LDLRAD4: variants seen among roughly 807,000 people sequenced by gnomAD.
The protein encoded by LDLRAD4 is low density lipoprotein receptor class A domain containing 4.
A neutral mutation model predicts 17.0 loss-of-function variants in LDLRAD4; 5 were observed. The ratio of observed to expected loss-of-function variants is 0.29; its 90% CI spans 0.15 to 0.62. The LOEUF is 0.62. Among genes scored for constraint, LDLRAD4 ranks in the 20% least tolerant of loss-of-function variants. The pLI is 0.84. For synonymous variants in LDLRAD4, 168 were observed against 171.8 expected (o/e 0.98, Z 0.17); for missense variants, 340 against 424.7 (o/e 0.80, Z 1.75).
chr18:13,456,245 T>G (rs2092126560), intron 3 of LDLRAD4, among the ~76,000 whole-genome samples: 1 of 152,188 alleles, frequency 6.6e-6, no homozygotes, highest in African/African-American at 2.4e-5. Context: ...ACGTTTTGCC[T>G]GAAAGTGGGA....
upstream of LDLRAD4, among the ~76,000 whole-genome samples, chr18:13,274,471 C>G (rs2044741036): frequency 1.3e-5 from 2 of 152,220 alleles, no homozygotes; most frequent in Admixed American, 1.3e-4. Context: ...TTGCAGTTCT[C>G]TGCCTCGTGT....
intron 3 of LDLRAD4, among the ~76,000 whole-genome samples, chr18:13,565,857 T>G (rs1168948567): frequency 6.6e-6 from 1 of 152,210 alleles, no homozygotes; most frequent in African/African-American, 2.4e-5. Context: ...CTTAAGGAGT[T>G]TGTGTTGATA....
chr18:13,458,157 G>T (rs1422685955), intron 3 of LDLRAD4, among the ~76,000 whole-genome samples: 1 of 152,172 alleles, frequency 6.6e-6, no homozygotes, highest in Admixed American at 6.5e-5. Context: ...GCATGGGGAA[G>T]CACGGATGAG....
intron 4 of LDLRAD4, among the ~76,000 whole-genome samples, chr18:13,636,216 A>G (rs2042066724): frequency 6.6e-6 from 1 of 151,976 alleles, no homozygotes; most frequent in Non-Finnish European, 1.5e-5. Context: ...CCTCCAAATA[A>G]CACCACAGTC....
intron 3 of LDLRAD4, among the ~76,000 whole-genome samples, chr18:13,574,424 C>T (rs1046006355): frequency 6.6e-5 from 10 of 152,308 alleles, no homozygotes; most frequent in Middle Eastern, 6.8e-3. Flanking sequence ...AGTTCATCCA[C>T]CTGGACATCT....
Position 13,437,282 on chromosome 18 carries a change from G to T in LDLRAD4, c.41-962G>T, listed in dbSNP as rs568906355. Among the ~76,000 whole-genome samples, 20 of 152,330 alleles carry T rather than the reference G, an allele frequency of 1.3e-4. No homozygotes were observed. The East Asian group carries it at 3.1e-3, about 23-fold the overall frequency. ...ACTCCTCCAGAGACTCTGTCTTCCC[G>T]CTGTGTACTGAGTGGGCCGTGCTGT... On this transcript the variant is annotated intron_variant, in intron 2 of 5. Coordinates refer to ENST00000359446, the Ensembl canonical transcript of LDLRAD4.
chr18:13,380,105 C>T (rs2085239559), intron 1 of LDLRAD4, among the ~76,000 whole-genome samples: 2 of 152,222 alleles, frequency 1.3e-5, no homozygotes, highest in Admixed American at 6.5e-5. Flanking sequence ...CTGGTGGCCA[C>T]AGTGGAGGTG....
At chr18:13,542,112 A>G (rs1021147252) in intron 3 of LDLRAD4, among the ~76,000 whole-genome samples, 63 of 152,214 alleles carry the variant, frequency 4.1e-4, no homozygotes, top group African/African-American at 1.5e-3. Context: ...CTCAAGTTCT[A>G]CTTATATAAC....
At chr18:13,459,159 C>CAAAAAAAAA (rs534798084) in intron 3 of LDLRAD4, among the ~76,000 whole-genome samples, 15 of 53,744 alleles carry the variant, frequency 2.8e-4, no homozygotes, top group African/African-American at 7.8e-4. Context: ...ATCTCTACAC[C>CAAAAAAAAA]AAAAAAAAAA....
At chr18:13,408,839 T>C (rs2088042987) in intron 2 of LDLRAD4, among the ~76,000 whole-genome samples, 1 of 152,176 alleles carries the variant, frequency 6.6e-6, no homozygotes, top group South Asian at 2.1e-4. Context: ...TTTTTTTCTT[T>C]CTCTTTCTCG....
chr18:13,552,869 A>G (rs2148100483), intron 3 of LDLRAD4, among the ~76,000 whole-genome samples: 1 of 152,328 alleles, frequency 6.6e-6, no homozygotes, highest in East Asian at 1.9e-4. Flanking sequence ...TCTCTTGTTA[A>G]GAAAAAGTCA....
intron 1 of LDLRAD4, among the ~76,000 whole-genome samples, chr18:13,265,564 C>T (rs759940883): frequency 6.6e-6 from 1 of 152,200 alleles, no homozygotes; most frequent in Non-Finnish European, 1.5e-5. Flanking sequence ...AGGAGCAAGG[C>T]GTGCCACATC....
chr18:13,512,650 C>CT (rs1405714952), intron 3 of LDLRAD4, among the ~76,000 whole-genome samples: 1 of 152,162 alleles, frequency 6.6e-6, no homozygotes, highest in African/African-American at 2.4e-5. Context: ...GAACTAATGA[C>CT]TACTGCATTT....
chr18:13,324,796 A>G (rs1190380916), intron 1 of LDLRAD4, among the ~76,000 whole-genome samples: 1 of 152,204 alleles, frequency 6.6e-6, no homozygotes, highest in Non-Finnish European at 1.5e-5. Flanking sequence ...CGACAACTTC[A>G]TTATTTAAAG....
chr18:13,641,095 G>A (rs1171869204), intron 4 of LDLRAD4, among the ~76,000 whole-genome samples: 1 of 152,184 alleles, frequency 6.6e-6, no homozygotes, highest in Non-Finnish European at 1.5e-5. Context: ...GATGAGACAA[G>A]TCTGATGAGA....
chr18:13,240,530 C>T (rs1006286256), intron 1 of LDLRAD4: 1 of 152,366 alleles, frequency 6.6e-6, no homozygotes, highest in Non-Finnish European at 1.5e-5. Flanking sequence ...CCGTGCTGCC[C>T]TGTGCATCCT....
chr18:13,424,474 T>G lies in LDLRAD4; in HGVS notation c.41-13770T>G, dbSNP rs925611415. Among the ~76,000 whole-genome samples, 8 of 152,262 alleles carry G rather than the reference T, an allele frequency of 5.3e-5. No homozygotes were observed. The East Asian group carries it at 1.5e-3, about 29-fold the overall frequency. The stretch of plus-strand genomic sequence containing the variant: ...TTAGCGCATTTGAGTCCATTTAAGT[T>G]GAAGCAACTATTAGCCACCTACTGT... On this transcript the variant is annotated intron_variant, in intron 2 of 5. Transcript: ENST00000359446.
chr18:13,443,518 C>T (rs1429691482), intron 3 of LDLRAD4, among the ~76,000 whole-genome samples: 5 of 152,148 alleles, frequency 3.3e-5, no homozygotes, highest in Non-Finnish European at 5.9e-5. Context: ...ATGTCCTTTT[C>T]GAGTTCATAT....
intron 3 of LDLRAD4, among the ~76,000 whole-genome samples, chr18:13,454,986 A>C (rs2092050499): frequency 6.6e-6 from 1 of 152,234 alleles, no homozygotes; most frequent in African/African-American, 2.4e-5. Context: ...TGTTGAGTGG[A>C]TGATCACAAC....
Sources: allele counts gnomAD v4.1 joint callset (sites outside exome capture counted in the v4.1 genomes callset), GRCh38; gene constraint gnomAD v4.1.1; transcripts MANE v1.5; gene names NCBI Gene and HGNC (gene_info 2026-07-23, HGNC 2026-07-21).